Variants in EPM2A observed in about 807,000 individuals in gnomAD.
The protein encoded by EPM2A is laforin.
A neutral mutation model predicts 26.5 loss-of-function variants in EPM2A; 21 were observed. The ratio of observed to expected loss-of-function variants is 0.79; its 90% CI spans 0.56 to 1.14. The LOEUF (loss-of-function observed/expected upper bound fraction) is 1.14, where lower values mean the gene tolerates loss of function less well. Ranked by LOEUF, EPM2A falls within the 50% of genes most tolerant of loss-of-function variation. The pLI is 0.00. For missense variants in EPM2A, 458 were observed against 440.8 expected (o/e 1.04, Z -0.35); for synonymous variants, 217 against 177.6 (o/e 1.22, Z -1.76).
chr6:145,734,984 ATC>A (rs1181095094), intron 1 of EPM2A: 1 of 339,174 alleles, frequency 2.9e-6, no homozygotes, highest in Non-Finnish European at 5.2e-6. Context: ...GGTCTAGGGA[ATC>A]AGTAGGAAGC....
intron 4 of EPM2A, among the ~76,000 whole-genome samples, chr6:145,440,486 A>G (rs569162669): frequency 5.3e-5 from 8 of 152,150 alleles, no homozygotes; most frequent in Admixed American, 2.6e-4. Context: ...ATGCCTTCCC[A>G]ATAGTCCCCA....
rs141379163 is a variant in EPM2A, at chr6:145,467,973, G to C, written c.555+34549C>G. Among the ~76,000 whole-genome samples the C allele has an allele frequency of 2.9e-3, 439 of 151,554 alleles. 2 individuals carry two copies. Among genetic ancestry groups the C allele is most frequent in the Admixed American group, 6.7e-3 (102 of 15,184 alleles). On this transcript the variant is annotated intron_variant, in intron 4 of 4. Transcript: ENST00000638717. ...AGTTTTTTTCAGTTTATTTTCTTGG[G>C]TTTTCTAAGTAGGTAATCACATTTT... is the stretch of plus-strand genomic sequence containing the variant.
At chr6:145,521,354 G>C (rs904393927) in intron 2 of EPM2A, among the ~76,000 whole-genome samples, 2 of 152,122 alleles carry the variant, frequency 1.3e-5, no homozygotes, top group African/African-American at 4.8e-5. Context: ...TAGCCATCTA[G>C]TATAATAAAA....
chr6:145,731,747 A>G (rs1188574846), intron 1 of EPM2A, among the ~76,000 whole-genome samples: 1 of 152,076 alleles, frequency 6.6e-6, no homozygotes, highest in Non-Finnish European at 1.5e-5. Flanking sequence ...GTCATTTTTT[A>G]GAAGAAATTT....
At chr6:145,490,401 G>C (rs1304775901) in intron 4 of EPM2A, 5 of 837,632 alleles carry the variant, frequency 6.0e-6, no homozygotes, top group Non-Finnish European at 1.0e-5. Context: ...GGTGACATTT[G>C]AGGGTGCTAT....
intron 1 of EPM2A, chr6:145,705,521 C>T (rs1782172854): frequency 2.2e-6 from 1 of 455,716 alleles, no homozygotes; most frequent in Non-Finnish European, 4.4e-6. Context: ...CGCCACTGCA[C>T]TCCAGCCTGG....
chr6:145,434,701 C>T (rs1778965788), intron 4 of EPM2A, among the ~76,000 whole-genome samples: 1 of 152,140 alleles, frequency 6.6e-6, no homozygotes, highest in Non-Finnish European at 1.5e-5. Context: ...GTTGCCCAAA[C>T]ACCACCACTA....
At chr6:145,565,097 CTGTT>C (rs1582857916) in intron 2 of EPM2A, among the ~76,000 whole-genome samples, 1 of 152,150 alleles carries the variant, frequency 6.6e-6, no homozygotes, top group East Asian at 1.9e-4. Flanking sequence ...TTTGACTTCT[CTGTT>C]TGTCTGCAGC....
intron 4 of EPM2A, among the ~76,000 whole-genome samples, chr6:145,414,977 A>G (rs777119547): frequency 6.6e-6 from 1 of 152,122 alleles, no homozygotes; most frequent in Non-Finnish European, 1.5e-5. Flanking sequence ...TTCCCCCCGT[A>G]TCCTACTTTG....
intron 4 of EPM2A, chr6:145,490,869 G>A: frequency 1.5e-6 from 1 of 679,930 alleles, no homozygotes; most frequent in Non-Finnish European, 2.7e-6. Context: ...TCACTTTGAT[G>A]ATACTTGCTG....
intron 2 of EPM2A, among the ~76,000 whole-genome samples, chr6:145,559,944 T>G (rs1193628527): frequency 3.3e-5 from 5 of 152,152 alleles, no homozygotes; most frequent in African/African-American, 4.8e-5. Flanking sequence ...AAAGTTTGGC[T>G]TGGTTCAATT....
At chr6:145,417,000 A>G (rs1778717469) in intron 4 of EPM2A, among the ~76,000 whole-genome samples, 1 of 152,094 alleles carries the variant, frequency 6.6e-6, no homozygotes, top group African/African-American at 2.4e-5. Context: ...TCTGTTGAGG[A>G]ATTGAATCTC....
At chr6:145,700,960 T>TG (rs1173362762) in intron 1 of EPM2A, among the ~76,000 whole-genome samples, 4 of 152,178 alleles carry the variant, frequency 2.6e-5, no homozygotes, top group African/African-American at 9.7e-5. Flanking sequence ...GGCATACAGT[T>TG]GACATGAATA....
intron 4 of EPM2A, among the ~76,000 whole-genome samples, chr6:145,396,320 C>G (rs1163750726): frequency 6.6e-6 from 1 of 152,160 alleles, no homozygotes; most frequent in Non-Finnish European, 1.5e-5. Context: ...ATCTGAAGAT[C>G]TCTTCTCCAG....
intron 2 of EPM2A, among the ~76,000 whole-genome samples, chr6:145,642,543 C>T (rs200461873): frequency 5.3e-5 from 8 of 152,130 alleles, no homozygotes; most frequent in East Asian, 1.9e-4. Context: ...TGAAGACAGG[C>T]AACAAACAAA....
At chr6:145,477,650 T>C (rs1013028338) in intron 4 of EPM2A, among the ~76,000 whole-genome samples, 41 of 152,004 alleles carry the variant, frequency 2.7e-4, no homozygotes, top group African/African-American at 9.9e-4. Context: ...CAATGTGATA[T>C]ATAATATTAA....
intron 2 of EPM2A, among the ~76,000 whole-genome samples, chr6:145,555,324 C>T (rs981266460): frequency 1.3e-5 from 2 of 152,164 alleles, no homozygotes; most frequent in Admixed American, 1.3e-4. Context: ...CCCCTCCTCC[C>T]AGCCTTTGTG....
Position 145,626,092 on chromosome 6 carries a change from T to C in EPM2A, c.*1324A>G. 9.2e-7 allele frequency: 1 copy of C among 1,089,644 alleles called. No homozygotes were observed. The highest frequency in any genetic ancestry group is 1.1e-6 in the Non-Finnish European group (1 of 891,970). 67.5% of individuals were successfully genotyped at this position (1,089,644 alleles called of 1,614,324 possible). ...GTGAAGATTAAACTGGATATGATTATATATCACCTTGCACATAGAGGCTCT... is the reference window on the plus strand; with the variant it reads ...GTGAAGATTAAACTGGATATGATTACATATCACCTTGCACATAGAGGCTCT... On this transcript the variant is annotated 3_prime_UTR_variant, in exon 4 of 4. Coordinates refer to ENST00000367519, the MANE Select transcript of EPM2A (RefSeq NM_005670.4).
chr6:145,551,370 A>G (rs1005213233), intron 2 of EPM2A, among the ~76,000 whole-genome samples: 1 of 152,016 alleles, frequency 6.6e-6, no homozygotes, highest in Non-Finnish European at 1.5e-5. Context: ...GGAGAACTCA[A>G]GTTTCTGATG....
Sources: gnomAD v4.1 joint callset for allele counts (sites outside exome capture counted in the v4.1 genomes callset) on GRCh38, gnomAD v4.1.1 for gene constraint, MANE v1.5 for transcripts, NCBI Gene and HGNC (gene_info 2026-07-23, HGNC 2026-07-21) for gene names.